Variants in SNX29 observed in about 807,000 individuals in gnomAD.
The protein encoded by SNX29 is sorting nexin 29.
SNX29 carries 78 observed loss-of-function variants against 102.1 expected under a neutral mutation model. That is an observed-to-expected ratio of 0.76 (90% CI 0.64 to 0.92). The LOEUF is 0.92. Among genes scored for constraint, SNX29 ranks in the 40% least tolerant of loss-of-function variants. SNX29 has a pLI of 0.00. For missense variants in SNX29, 1,280 were observed against 1,061.7 expected (o/e 1.21, Z -2.86); for synonymous variants, 580 against 414.5 (o/e 1.40, Z -4.85).
intron 7 of SNX29, among the ~76,000 whole-genome samples, chr16:12,050,542 C>T (rs944852403): frequency 2.0e-5 from 3 of 152,092 alleles, no homozygotes; most frequent in Non-Finnish European, 2.9e-5. Context: ...GCCCCATCCA[C>T]GTGTCTGGAA....
intron 13 of SNX29, among the ~76,000 whole-genome samples, chr16:12,152,901 G>GA (rs1339825318): frequency 6.6e-6 from 1 of 152,246 alleles, no homozygotes; most frequent in East Asian, 1.9e-4. Flanking sequence ...GACAGGCTAA[G>GA]AAGCTTGCTC....
rs554167242 is a variant in SNX29, at chr16:12,401,153, G to A, written c.1956-2295G>A. On this transcript the variant is annotated intron_variant, in intron 17 of 20. Transcript: ENST00000566228. ...GCCTCAGTACCCCACTTTTAATAAT[G>A]GATAGGATAACTAGACAGATCAGTA... Among the ~76,000 whole-genome samples, 71 of 151,970 alleles carry A rather than the reference G, an allele frequency of 4.7e-4. 1 individual carries two copies. The highest frequency in any genetic ancestry group is 4.7e-4 in the Non-Finnish European group (32 of 67,980).
At chr16:12,254,657 A>AT (rs1491348323) in intron 14 of SNX29, among the ~76,000 whole-genome samples, 1 of 151,052 alleles carries the variant, frequency 6.6e-6, no homozygotes, top group Non-Finnish European at 1.5e-5. Context: ...AAAAAAAAAA[A>AT]GGTGAAGGAC....
chr16:12,114,678 C>T (rs1329809041), intron 11 of SNX29, among the ~76,000 whole-genome samples: 1 of 151,986 alleles, frequency 6.6e-6, no homozygotes, highest in Non-Finnish European at 1.5e-5. Flanking sequence ...CCTCCGCCTC[C>T]TGGGTTCAAG....
At chr16:12,147,019 T>C (rs1414209439) in intron 13 of SNX29, among the ~76,000 whole-genome samples, 3 of 152,238 alleles carry the variant, frequency 2.0e-5, no homozygotes, top group Non-Finnish European at 2.9e-5. Flanking sequence ...CATGTGCTTG[T>C]TTATTTTCTC....
intron 14 of SNX29, among the ~76,000 whole-genome samples, chr16:12,216,898 C>T (rs2077340029): frequency 6.6e-6 from 1 of 152,224 alleles, no homozygotes; most frequent in Non-Finnish European, 1.5e-5. Context: ...CATGAGGCCA[C>T]AGCTAGCTGC....
At chr16:12,037,968 A>AAAAAC (rs150897010) in intron 4 of SNX29, among the ~76,000 whole-genome samples, 24 of 150,086 alleles carry the variant, frequency 1.6e-4, no homozygotes, top group Middle Eastern at 6.8e-3. Context: ...CCCGCCCCTC[A>AAAAAC]AAAACAAAAC....
chr16:12,524,265 G>C (rs1350019710), intron 19 of SNX29, among the ~76,000 whole-genome samples: 6 of 152,034 alleles, frequency 3.9e-5, no homozygotes, highest in Non-Finnish European at 7.4e-5. Context: ...AAATTAAGCC[G>C]GTGCTCTGGA....
chr16:12,193,470 C>CAAAAA (rs369951476), intron 13 of SNX29, among the ~76,000 whole-genome samples: 77,577 of 136,978 alleles, frequency 0.57, 25,993 homozygotes, highest in Non-Finnish European at 0.74. Flanking sequence ...ACTCCATCTT[C>CAAAAA]AAAAAAAAAA....
intron 13 of SNX29, among the ~76,000 whole-genome samples, chr16:12,164,104 G>A (rs1343208611): frequency 6.6e-6 from 1 of 152,084 alleles, no homozygotes; most frequent in East Asian, 1.9e-4. Context: ...GTGTGTAGGG[G>A]CACAAAGGAG....
chr16:12,220,374 C>G (rs899297339), intron 14 of SNX29, among the ~76,000 whole-genome samples: 2 of 151,978 alleles, frequency 1.3e-5, no homozygotes, highest in South Asian at 4.2e-4. Context: ...CACAAAAGCC[C>G]TGGGAGGTTA....
intron 11 of SNX29, among the ~76,000 whole-genome samples, chr16:12,092,060 G>T (rs76632929): frequency 6.6e-6 from 1 of 152,162 alleles, no homozygotes; most frequent in Non-Finnish European, 1.5e-5. Context: ...CTAGAAGAGC[G>T]CAGCACAGGC....
At chr16:12,106,558 C>T (rs1259020282) in intron 11 of SNX29, among the ~76,000 whole-genome samples, 6 of 151,142 alleles carry the variant, frequency 4.0e-5, no homozygotes, top group Non-Finnish European at 7.4e-5. Flanking sequence ...ATGGCAGCAT[C>T]CACTTCCCGG....
intron 19 of SNX29, among the ~76,000 whole-genome samples, chr16:12,523,794 C>T (rs1158415280): frequency 6.6e-6 from 1 of 152,166 alleles, no homozygotes; most frequent in Non-Finnish European, 1.5e-5. Context: ...ACTGCTCAGA[C>T]CTGGGGACCT....
intron 15 of SNX29, among the ~76,000 whole-genome samples, chr16:12,293,506 A>T (rs542447801): frequency 6.6e-6 from 1 of 152,174 alleles, no homozygotes; most frequent in Non-Finnish European, 1.5e-5. Context: ...ACATTTTATG[A>T]CTGTCTTCTG....
chr16:12,371,845 A>G (rs1005879160), intron 16 of SNX29, among the ~76,000 whole-genome samples: 2 of 152,134 alleles, frequency 1.3e-5, no homozygotes, highest in African/African-American at 2.4e-5. Flanking sequence ...CCTTCGCCCT[A>G]TGTCTTTTCG....
At chr16:12,555,865 T>C (rs1024296427) in intron 20 of SNX29, among the ~76,000 whole-genome samples, 1 of 152,168 alleles carries the variant, frequency 6.6e-6, no homozygotes, top group Non-Finnish European at 1.5e-5. Context: ...CATCATTTTC[T>C]CCAGAGGCCG....
chr16:12,008,468 C>T (rs1354882658), intron 3 of SNX29, among the ~76,000 whole-genome samples: 1 of 150,644 alleles, frequency 6.6e-6, no homozygotes, highest in East Asian at 2.0e-4. Flanking sequence ...AGTATTTCTC[C>T]ATGTTGGTCA....
chr16:12,292,809 C>T (rs2079844116), intron 15 of SNX29, among the ~76,000 whole-genome samples: 1 of 152,222 alleles, frequency 6.6e-6, no homozygotes, highest in South Asian at 2.1e-4. Context: ...CCTCCCTGTT[C>T]TCTTCCTCTG....
Sources: gnomAD v4.1 joint callset for allele counts (sites outside exome capture counted in the v4.1 genomes callset) on GRCh38, gnomAD v4.1.1 for gene constraint, MANE v1.5 for transcripts, NCBI Gene and HGNC (gene_info 2026-07-23, HGNC 2026-07-21) for gene names.